Variants in HIC1 observed in about 807,000 individuals in gnomAD.
HIC1 encodes the protein hypermethylated in cancer 1 protein.
In HIC1, 9 loss-of-function variants were observed where a neutral mutation model predicts 26.4. The ratio of observed to expected loss-of-function variants is 0.34; its 90% CI spans 0.21 to 0.59. The LOEUF (loss-of-function observed/expected upper bound fraction) is 0.59, where lower values mean the gene tolerates loss of function less well. Ranked by LOEUF, HIC1 falls within the 20% of genes least tolerant of loss-of-function variation. The probability of loss-of-function intolerance (pLI) is 0.82; values close to 1 mark genes in which losing one functional copy is unlikely to be tolerated. For synonymous variants in HIC1, 631 were observed against 523.1 expected (o/e 1.21, Z -2.81); for missense variants, 965 against 1,075.7 (o/e 0.90, Z 1.44).
chr17:2,056,942 C>T lies in HIC1; in HGVS notation c.252C>T (p.Thr84=), dbSNP rs766201575. 175 of 1,608,024 alleles carry T rather than the reference C, an allele frequency of 1.1e-4. No homozygotes were observed. The Admixed American group carries it at 2.7e-3, about 25-fold the overall frequency. Residue 84 remains threonine (T), a synonymous_variant, in exon 2 of 2, where the codon ACC becomes ACT. Coordinates refer to ENST00000619757, the MANE Select transcript of HIC1 (RefSeq NM_006497.4). ...VFRLVLDFIY[T]GRLADGAEAA... ...GCCTGGTGCTGGACTTCATCTACAC[C>T]GGCCGCCTGGCTGACGGCGCAGAGG...
At position 2,057,509 on chromosome 17, in the gene HIC1, G is replaced by A; in HGVS notation, c.819G>A (p.Leu273=). The change falls in exon 2 of 2, where the codon CTG becomes CTA. Residue 273 remains leucine, a synonymous_variant. Coordinates refer to ENST00000619757, the MANE Select transcript of HIC1 (RefSeq NM_006497.4). ...PPLALPSLPP[L]PFQKLEEAAP... is the part of the protein sequence containing the mutation. Reference sequence around the variant, plus strand: ...TCGCCCTGCCGTCGCTGCCGCCGCTGCCCTTCCAGAAGCTGGAGGAGGCCG... The same window carrying A: ...TCGCCCTGCCGTCGCTGCCGCCGCTACCCTTCCAGAAGCTGGAGGAGGCCG... The A allele has an allele frequency of 6.7e-7, 1 of 1,490,632 alleles. No individual in the cohort carries two copies. The highest frequency in any genetic ancestry group is 8.9e-7 in the Non-Finnish European group (1 of 1,126,246). The allele number at this position is 1,490,632 out of a possible 1,614,324, so 92.3% of individuals were successfully genotyped here. A position where few individuals can be genotyped will look rare whatever the true frequency, so the allele number is the denominator to read the frequency against.
At position 2,057,732 on chromosome 17, in the gene HIC1, C is replaced by G; in HGVS notation, c.1042C>G (p.Pro348Ala). The change falls in exon 2 of 2, where the codon CCC (proline) becomes GCC (alanine). Residue 348 changes from proline to alanine, a missense_variant. Around this residue, in one of 6 missense-constraint regions of HIC1, gnomAD observed 526 missense variants for 525.0 expected, o/e 1.00. Transcript: ENST00000619757. Reference protein sequence around the residue: ...EERGGDAAVSPGGPPLGLAPP... With the variant: ...EERGGDAAVSAGGPPLGLAPP... ...GCGTGGTGGGGACGCGGCCGTCTCG[C>G]CCGGGGGGCCCCCGCTCGGCCTGGC... is the stretch of plus-strand genomic sequence containing the variant. 7.2e-7 allele frequency: 1 copy of G among 1,398,186 alleles called. No homozygotes were observed. Among genetic ancestry groups the G allele is most frequent in the Non-Finnish European group, 9.2e-7 (1 of 1,083,590 alleles). 86.6% of individuals were successfully genotyped at this position (1,398,186 alleles called of 1,614,324 possible).
rs1310613867 is a variant in HIC1, at chr17:2,055,327, C to CG, written c.-21+90dup. 3 of 152,018 alleles carry CG rather than the reference C, an allele frequency of 2.0e-5. No individual in the cohort carries two copies. The highest frequency in any genetic ancestry group is 7.2e-5 in the African/African-American group (3 of 41,394). The allele number at this position is 152,018 out of a possible 1,614,324, so 9.4% of individuals were successfully genotyped here. On this transcript the variant is annotated intron_variant, in intron 1 of 1. Coordinates refer to ENST00000619757, the MANE Select transcript of HIC1 (RefSeq NM_006497.4). The surrounding 1 kb of genome is among the most constrained non-coding windows in gnomAD (Gnocchi z 6.4). ...CGGCCGCCTCGGGTGCATCTTCTGG[C>CG]GCGGGTGCCCCATCGCGGCTGGCGG...
Position 2,057,537 on chromosome 17 carries a change from C to T in HIC1, c.847C>T (p.Pro283Ser), listed in dbSNP as rs766746190. 4.0e-6 allele frequency: 6 copies of T among 1,496,974 alleles called. No individual in the cohort carries two copies. The highest frequency in any genetic ancestry group is 4.4e-6 in the Non-Finnish European group (5 of 1,128,754). 92.7% of individuals were successfully genotyped at this position (1,496,974 alleles called of 1,614,324 possible). A position where few individuals can be genotyped will look rare whatever the true frequency, so the allele number is the denominator to read the frequency against. The part of the protein sequence containing the change: ...LPFQKLEEAA[P>S]PSDPFRGGSG... The stretch of plus-strand genomic sequence containing the variant: ...CTTCCAGAAGCTGGAGGAGGCCGCA[C>T]CGCCTTCCGACCCATTTCGCGGCGG... The change falls in exon 2 of 2, where the codon CCG becomes TCG. Residue 283 changes from proline (P) to serine (S), a missense_variant. This residue lies in a region of HIC1 where 526 missense variants were observed against 525.0 expected (regional missense o/e 1.00). Coordinates refer to ENST00000619757, the MANE Select transcript of HIC1 (RefSeq NM_006497.4).
chr17:2,058,752 A>T lies in HIC1; in HGVS notation c.2062A>T (p.Lys688Ter). 1 of 1,525,544 alleles carries T rather than the reference A, an allele frequency of 6.6e-7. No individual in the cohort carries two copies. Among genetic ancestry groups the T allele is most frequent in the Non-Finnish European group, 8.8e-7 (1 of 1,140,742 alleles). 94.5% of individuals were successfully genotyped at this position (1,525,544 alleles called of 1,614,324 possible). ...FTAELGLSPD[K>*]AAEVLSQGAH... ...GGCCGAGCTGGGCCTCAGCCCCGAC[A>T]AGGCGGCCGAGGTGCTGAGCCAGGG... The change falls in exon 2 of 2, where the codon AAG (lysine) becomes TAG (stop). Residue 688 changes from lysine to a stop codon, truncating the protein, a stop_gained. Transcript: ENST00000619757. LOFTEE classifies it high-confidence loss of function.
Position 2,061,890 on chromosome 17 carries a change from C to T in HIC1, c.*3055C>T, listed in dbSNP as rs2067791905. Reference sequence around the variant, plus strand: ...CTAGTTCCCAAAAGCTGCCCAAACCCGTCAGCCTCCCAGGACCCTAAACTG... The same window carrying T: ...CTAGTTCCCAAAAGCTGCCCAAACCTGTCAGCCTCCCAGGACCCTAAACTG... On this transcript the variant is annotated 3_prime_UTR_variant, in exon 2 of 2. Coordinates refer to ENST00000619757, the MANE Select transcript of HIC1 (RefSeq NM_006497.4). 3 of 416,280 alleles carry T rather than the reference C, an allele frequency of 7.2e-6. No homozygotes were observed. The highest frequency in any genetic ancestry group is 7.4e-4 in the Middle Eastern group (1 of 1,356). 25.8% of individuals were successfully genotyped at this position (416,280 alleles called of 1,614,324 possible).
chr17:2,058,129 G>C lies in HIC1; in HGVS notation c.1439G>C (p.Gly480Ala). ...GGDKVAGAPG[G>A]LGELLRPYRC... ...GACAAGGTCGCCGGGGCTCCGGGTG[G>C]CCTGGGAGAGCTGCTGCGGCCCTAC... Residue 480 changes from glycine to alanine, a missense_variant, in exon 2 of 2, where the codon GGC becomes GCC. This residue lies in a region of HIC1 where 105 missense variants were observed against 101.4 expected (regional missense o/e 1.04). Coordinates refer to ENST00000619757, the MANE Select transcript of HIC1 (RefSeq NM_006497.4). The C allele has an allele frequency of 6.2e-7, 1 of 1,604,294 alleles. No homozygotes were observed. The highest frequency in any genetic ancestry group is 8.5e-7 in the Non-Finnish European group (1 of 1,178,296).
chr17:2,056,538 C>T, intron 1 of HIC1, 133 bp from the exon 2 acceptor site: 1 of 1,378,994 alleles, frequency 7.3e-7, no homozygotes. Flanking sequence ...CGGTCCTTCG[C>T]CGGTGCCCAG....
Position 2,056,489 on chromosome 17 carries a change from C to G in HIC1, c.-20-182C>G. On this transcript the variant is annotated intron_variant, in intron 1 of 1. Coordinates refer to ENST00000619757, the MANE Select transcript of HIC1 (RefSeq NM_006497.4). ...CTCACCTCCTGCTCCTTCTCCTGGT[C>G]CGGGCGGGCCGGCCTGGGCTCCCAC... 4 of 1,325,988 alleles carry G rather than the reference C, an allele frequency of 3.0e-6. No homozygotes were observed. The South Asian group carries it at 5.0e-5, about 16-fold the overall frequency. The allele number at this position is 1,325,988 out of a possible 1,614,324, so 82.1% of individuals were successfully genotyped here.
At position 2,057,455 on chromosome 17, in the gene HIC1, C is replaced by A. The variant is rs775364902; in HGVS notation, c.765C>A (p.Ala255=). The change falls in exon 2 of 2, where the codon GCC becomes GCA. Residue 255 remains alanine, a synonymous_variant. Coordinates refer to ENST00000619757, the MANE Select transcript of HIC1 (RefSeq NM_006497.4). ...CGCGCCCGGACAGCCCTCCCAGCGC[C>A]GGCCCCGCCGCCTACAAGGAGCCGC... is the stretch of plus-strand genomic sequence containing the variant. ...LPPRPDSPPS[A]GPAAYKEPPL... 1.6e-5 allele frequency: 24 copies of A among 1,464,976 alleles called. No homozygotes were observed. The highest frequency in any genetic ancestry group is 2.2e-5 in the Non-Finnish European group (24 of 1,116,046). The allele number at this position is 1,464,976 out of a possible 1,614,324, so 90.7% of individuals were successfully genotyped here. A position where few individuals can be genotyped will look rare whatever the true frequency, so the allele number is the denominator to read the frequency against.
chr17:2,056,474 G>GC (rs2067673593), intron 1 of HIC1, 197 bp from the exon 2 acceptor site: 2 of 1,343,540 alleles, frequency 1.5e-6, no homozygotes, highest in Admixed American at 3.5e-5. Context: ...CTCACCTCCT[G>GC]CTCCTTCTCC....
rs2067799455 is a variant in HIC1, at chr17:2,062,141, T to TGAGGA, written c.*3316_*3320dup. 1 of 154,656 alleles carries TGAGGA rather than the reference T, an allele frequency of 6.5e-6. No homozygotes were observed. The highest frequency in any genetic ancestry group is 2.4e-5 in the African/African-American group (1 of 41,434). The allele number at this position is 154,656 out of a possible 1,614,324, so 9.6% of individuals were successfully genotyped here. ...GTGGGGAGAGGGGTTAAGGGAGCCC[T>TGAGGA]GAGGAGAGGAGAGGGTAAGGGTCTT... is the stretch of plus-strand genomic sequence containing the variant. On this transcript the variant is annotated 3_prime_UTR_variant, in exon 2 of 2. Coordinates refer to ENST00000619757, the MANE Select transcript of HIC1 (RefSeq NM_006497.4).
Position 2,057,673 on chromosome 17 carries a change from G to A in HIC1, c.983G>A (p.Arg328Gln), listed in dbSNP as rs773285181. 2 of 1,506,124 alleles carry A rather than the reference G, an allele frequency of 1.3e-6. No homozygotes were observed. Among genetic ancestry groups the A allele is most frequent in the East Asian group, 2.8e-5 (1 of 35,360 alleles). The allele number at this position is 1,506,124 out of a possible 1,614,324, so 93.3% of individuals were successfully genotyped here. ...GLGSYGDELG[R>Q]ERGSPSERCE... ...GGTAGCTATGGCGACGAGCTGGGCCGGGAGCGCGGCTCCCCCAGCGAGCGC... is the reference window on the plus strand; with the variant it reads ...GGTAGCTATGGCGACGAGCTGGGCCAGGAGCGCGGCTCCCCCAGCGAGCGC... Residue 328 changes from arginine (R) to glutamine (Q), a missense_variant, in exon 2 of 2, where the codon CGG becomes CAG. Arg to Gln is a conservative substitution (Grantham distance 43). This residue lies in a region of HIC1 where 526 missense variants were observed against 525.0 expected (regional missense o/e 1.00). Transcript: ENST00000619757.
Position 2,058,493 on chromosome 17 carries a change from CGCGGCCGGG to C in HIC1, c.1807_1815del (p.Ala603_Ala605del), listed in dbSNP as rs756049226. ...TGCACGCCGTGGGGGGCGCGGCCGG[CGCGGCCGGG>C]GCGCTGGCGGGCTTGGGGGGGCTCC... On this transcript the variant is annotated inframe_deletion, in exon 2 of 2. Coordinates refer to ENST00000619757, the MANE Select transcript of HIC1 (RefSeq NM_006497.4). 7.4e-6 allele frequency: 11 copies of C among 1,479,090 alleles called. No individual in the cohort carries two copies. In the African/African-American group the frequency reaches 1.3e-4, roughly 18 times the overall value. 91.6% of individuals were successfully genotyped at this position (1,479,090 alleles called of 1,614,324 possible).
At chr17:2,056,369 C>T in intron 1 of HIC1, 1 of 1,610,292 alleles carries the variant, frequency 6.2e-7, no homozygotes. Context: ...AAAAGGGTCA[C>T]TGCGCCTGAA....
At chr17:2,056,442 G>C in intron 1 of HIC1, 1 of 1,415,122 alleles carries the variant, frequency 7.1e-7, no homozygotes, top group Non-Finnish European at 1.0e-6. Context: ...GGCCGCCCTG[G>C]CCTCCCCTCC....
Position 2,057,259 on chromosome 17 carries a change from C to A in HIC1, c.569C>A (p.Ala190Asp). ...PAAEPPSGPE[A>D]AVNTHCAELY... ...GCGGAGCCGCCCTCGGGCCCAGAGG[C>A]CGCGGTCAACACGCACTGCGCCGAG... The change falls in exon 2 of 2, where the codon GCC (alanine) becomes GAC (aspartate). Residue 190 changes from alanine (A) to aspartate (D), a missense_variant. Ala to Asp is a moderately radical substitution (Grantham distance 126). Around this residue, in one of 6 missense-constraint regions of HIC1, gnomAD observed 526 missense variants for 525.0 expected, o/e 1.00. Coordinates refer to ENST00000619757, the MANE Select transcript of HIC1 (RefSeq NM_006497.4). 1 of 1,454,354 alleles carries A rather than the reference C, an allele frequency of 6.9e-7. No individual in the cohort carries two copies. Among genetic ancestry groups the A allele is most frequent in the Non-Finnish European group, 9.0e-7 (1 of 1,107,986 alleles). The allele number at this position is 1,454,354 out of a possible 1,614,324, so 90.1% of individuals were successfully genotyped here. A position where few individuals can be genotyped will look rare whatever the true frequency, so the allele number is the denominator to read the frequency against.
intron 1 of HIC1, 80 bp from the exon 2 acceptor site, chr17:2,056,591 T>C: frequency 6.9e-7 from 1 of 1,455,636 alleles, no homozygotes. Context: ...GAAGGGGAAG[T>C]GGAGGGGAGA....
chr17:2,056,195 A>C, intron 1 of HIC1: 1 of 910,786 alleles, frequency 1.1e-6, no homozygotes, highest in Non-Finnish European at 1.8e-6. Context: ...CAGGGCGGGC[A>C]CCGCGCTCCC....
Sources: allele counts gnomAD v4.1 joint callset, GRCh38; gene constraint gnomAD v4.1.1; regional missense constraint gnomAD v4.1.1; non-coding constraint Gnocchi (gnomAD v3.1); transcripts MANE v1.5; gene names NCBI Gene and HGNC (gene_info 2026-07-23, HGNC 2026-07-21).